The following PALLD variants were observed in gnomAD, a reference collection of about 807,000 sequenced individuals.
PALLD encodes palladin, cytoskeletal associated protein.
In PALLD, 61 loss-of-function variants were observed where a neutral mutation model predicts 123.5. The ratio of observed to expected loss-of-function variants is 0.49; its 90% CI spans 0.40 to 0.61. The LOEUF (loss-of-function observed/expected upper bound fraction) is 0.61. PALLD is among the 20% of genes least tolerant of loss of function. The pLI, the probability that PALLD is intolerant of heterozygous loss-of-function variation, is 0.00. For synonymous variants in PALLD, 465 were observed against 496.4 expected, an observed-to-expected ratio of 0.94 and a Z score of 0.84; for missense variants, 1,273 against 1,377.0, an observed-to-expected ratio of 0.92 and a Z score of 1.20.
chr4:168,620,536 G>GA lies in PALLD; in HGVS notation c.909-47647dup, dbSNP rs1453989411. Among the ~76,000 whole-genome samples the GA allele has an allele frequency of 2.6e-5, 4 of 152,166 alleles. No homozygotes were observed. The East Asian group carries it at 5.8e-4, about 22-fold the overall frequency. The stretch of plus-strand genomic sequence containing the variant: ...AGATGTCCAAATTATAGTGCTCAGT[G>GA]AAAAAAATACATCACAGGGTAATAA... On this transcript the variant is annotated intron_variant, in intron 2 of 21. Coordinates refer to ENST00000505667, the MANE Select transcript of PALLD (RefSeq NM_001166108.2).
chr4:168,875,314 G>A (rs777979421), intron 10 of PALLD, among the ~76,000 whole-genome samples: 16 of 151,746 alleles, frequency 1.1e-4, no homozygotes, highest in Middle Eastern at 6.8e-3. Context: ...TCATTCTTTC[G>A]GCCTTTTTAT....
intron 2 of PALLD, among the ~76,000 whole-genome samples, chr4:168,576,540 T>C (rs1488818474): frequency 6.6e-6 from 1 of 152,158 alleles, no homozygotes; most frequent in East Asian, 1.9e-4. Context: ...TCCAGCTTCA[T>C]CCATGTCCCT....
Position 168,512,555 on chromosome 4 carries a change from C to T in PALLD, c.908+143C>T, listed in dbSNP as rs1762617566. On this transcript the variant is annotated intron_variant, in intron 2 of 21. Coordinates refer to ENST00000505667, the MANE Select transcript of PALLD (RefSeq NM_001166108.2). ...TGCAAGGAGAGAAGCAGCCCAGAATCGCCACTATGAGTTGTCCTAGTTGTC... is the reference window on the plus strand; with the variant it reads ...TGCAAGGAGAGAAGCAGCCCAGAATTGCCACTATGAGTTGTCCTAGTTGTC... 8 of 795,018 alleles carry T rather than the reference C, an allele frequency of 1.0e-5. No homozygotes were observed. The South Asian group carries it at 1.0e-4, about 10-fold the overall frequency. The allele number at this position is 795,018 out of a possible 1,614,324, so 49.2% of individuals were successfully genotyped here.
chr4:168,671,550 G>A (rs569345810), intron 3 of PALLD, among the ~76,000 whole-genome samples: 22 of 152,290 alleles, frequency 1.4e-4, no homozygotes, highest in African/African-American at 5.3e-4. Context: ...AGAATGAAGA[G>A]GTGTGAAGAT....
At chr4:168,538,276 C>A (rs2149498925) in intron 2 of PALLD, among the ~76,000 whole-genome samples, 1 of 152,134 alleles carries the variant, frequency 6.6e-6, no homozygotes, top group South Asian at 2.1e-4. Flanking sequence ...GTAAACAATC[C>A]ACTTCCTTTT....
rs566477652 is a variant in PALLD, at chr4:168,760,276, C to T, written c.1964+48353C>T. Among the ~76,000 whole-genome samples, 3 of 151,840 alleles carry T rather than the reference C, an allele frequency of 2.0e-5. No homozygotes were observed. In the South Asian group the frequency reaches 6.3e-4, roughly 32 times the overall value. ...CCTTCTCATCTCACAGCCACAGGAGCGTTTGTGAACTTGTGATCCTCCCTA... is the reference window on the plus strand; with the variant it reads ...CCTTCTCATCTCACAGCCACAGGAGTGTTTGTGAACTTGTGATCCTCCCTA... On this transcript the variant is annotated intron_variant, in intron 10 of 21. Transcript: ENST00000505667.
In PALLD at chr4:168,927,985, T is replaced by G; in HGVS notation, c.*1805T>G. 5.1e-6 allele frequency: 1 copy of G among 195,534 alleles called. No homozygotes were observed. 12.1% of individuals were successfully genotyped at this position (195,534 alleles called of 1,614,324 possible). ...CGTAGTATTTTTTAAAATAATTTTA[T>G]ATCTGTGTACCACCCCATATATTTC... On this transcript the variant is annotated 3_prime_UTR_variant, in exon 22 of 22. Coordinates refer to ENST00000505667, the MANE Select transcript of PALLD (RefSeq NM_001166108.2).
At chr4:168,700,228 A>G (rs925457114) in intron 8 of PALLD, 1 of 153,374 alleles carries the variant, frequency 6.5e-6, no homozygotes, top group African/African-American at 2.4e-5. Context: ...AACCTGTGGG[A>G]CATTGTATTC....
intron 10 of PALLD, among the ~76,000 whole-genome samples, chr4:168,726,269 A>C (rs908927989): frequency 6.6e-6 from 1 of 152,220 alleles, no homozygotes; most frequent in Non-Finnish European, 1.5e-5. Flanking sequence ...AATTAGATGA[A>C]TCCTGAAGGT....
intron 2 of PALLD, among the ~76,000 whole-genome samples, chr4:168,619,773 G>A (rs1462881663): frequency 1.3e-5 from 2 of 152,130 alleles, no homozygotes; most frequent in Non-Finnish European, 2.9e-5. Flanking sequence ...TCTTCTTATT[G>A]CTAGTGAATT....
intron 10 of PALLD, among the ~76,000 whole-genome samples, chr4:168,855,151 C>T (rs1047743841): frequency 1.5e-5 from 2 of 131,816 alleles, no homozygotes; most frequent in Middle Eastern, 5.7e-3. Flanking sequence ...AGTGCAGTGG[C>T]GCGATCTTGG....
intron 10 of PALLD, among the ~76,000 whole-genome samples, chr4:168,838,664 C>T (rs1745546890): frequency 1.5e-5 from 2 of 133,922 alleles, no homozygotes; most frequent in Admixed American, 7.5e-5. Context: ...TATCTTCTAA[C>T]TCCTTTTTTT....
chr4:168,800,382 G>T (rs1739151340), intron 10 of PALLD, among the ~76,000 whole-genome samples: 1 of 151,912 alleles, frequency 6.6e-6, no homozygotes, highest in South Asian at 2.1e-4. Flanking sequence ...GGTTACAAAT[G>T]GAATAAATAA....
At chr4:168,857,267 G>A (rs1335599049) in intron 10 of PALLD, among the ~76,000 whole-genome samples, 3 of 152,202 alleles carry the variant, frequency 2.0e-5, no homozygotes, top group East Asian at 1.9e-4. Context: ...TCTGTAAGAC[G>A]ACTTCATTGT....
chr4:168,574,729 T>C (rs752785473), intron 2 of PALLD, among the ~76,000 whole-genome samples: 7 of 152,104 alleles, frequency 4.6e-5, no homozygotes, highest in Non-Finnish European at 1.0e-4. Flanking sequence ...ACCAACTCTT[T>C]TGCCCTGAAT....
At position 168,842,142 on chromosome 4, in the gene PALLD, A is replaced by G. The variant is rs112815199; in HGVS notation, c.1965-48780A>G. ...TGGATTTTCTTCTGCCCTTGAGGTA[A>G]TCTGCTCCTCCTTTCATTCACCGTG... On this transcript the variant is annotated intron_variant, in intron 10 of 21. Transcript: ENST00000505667. Among the ~76,000 whole-genome samples, 694 of 152,270 alleles carry G rather than the reference A, an allele frequency of 4.6e-3. 2 individuals are homozygous for G. Among genetic ancestry groups the G allele is most frequent in the Non-Finnish European group, 8.3e-3 (562 of 68,024 alleles).
intron 10 of PALLD, among the ~76,000 whole-genome samples, chr4:168,820,363 C>T (rs1581635831): frequency 6.6e-6 from 1 of 152,276 alleles, no homozygotes; most frequent in Non-Finnish European, 1.5e-5. Context: ...AAGCCTTACA[C>T]CTAGCAATGG....
chr4:168,890,994 T>C lies in PALLD; in HGVS notation c.2037T>C (p.Ala679=), dbSNP rs778399269. The change falls in exon 11 of 22, where the codon GCT becomes GCC. Residue 679 remains alanine, a synonymous_variant. Coordinates refer to ENST00000505667, the MANE Select transcript of PALLD (RefSeq NM_001166108.2). The part of the protein sequence containing the change: ...SDEEIQGTKD[A]VIQDLERKLR... ...AGGAAATTCAAGGCACAAAGGATGC[T>C]GTTATTCAAGACCTGGAACGAAAAC... 2 of 1,614,062 alleles carry C rather than the reference T, an allele frequency of 1.2e-6. No homozygotes were observed. The highest frequency in any genetic ancestry group is 1.7e-6 in the Non-Finnish European group (2 of 1,179,932).
intron 9 of PALLD, among the ~76,000 whole-genome samples, chr4:168,709,566 GGAAGGAAGGAAGGA>G (rs1784571161): frequency 0.012 from 8 of 688 alleles, no homozygotes; most frequent in Non-Finnish European, 0.026. Flanking sequence ...AAGGAAGGAA[GGAAGGAAGGAAGGA>G]AGGAAGGAAG....
Sources: gnomAD v4.1 joint callset for allele counts (sites outside exome capture counted in the v4.1 genomes callset) on GRCh38, gnomAD v4.1.1 for gene constraint, MANE v1.5 for transcripts, NCBI Gene and HGNC (gene_info 2026-07-23, HGNC 2026-07-21) for gene names.